FBXO36: variants seen among roughly 807,000 people sequenced by gnomAD.
FBXO36 encodes the protein F-box protein 36.
A neutral mutation model predicts 17.0 loss-of-function variants in FBXO36; 18 were observed. The observed-to-expected ratio is 1.06, with a 90% confidence interval of 0.73 to 1.57. The LOEUF (loss-of-function observed/expected upper bound fraction) is 1.57. Among genes scored for constraint, FBXO36 ranks in the 40% most tolerant of loss-of-function variants. The pLI is 0.00. For missense variants in FBXO36, 229 were observed against 221.9 expected, an observed-to-expected ratio of 1.03 and a Z score of -0.20; for synonymous variants, 83 against 85.3, an observed-to-expected ratio of 0.97 and a Z score of 0.15.
intron 1 of FBXO36, among the ~76,000 whole-genome samples, chr2:229,943,643 C>T (rs186621195): frequency 3.3e-5 from 5 of 152,190 alleles, no homozygotes; most frequent in Non-Finnish European, 7.4e-5. Flanking sequence ...AGCCCTGGCC[C>T]GTGGGCAACC....
Position 229,996,736 on chromosome 2 carries a change from T to C in FBXO36, c.206-15T>C, listed in dbSNP as rs570572146. ...GACTGTATATGATAACCATGTTGGC[T>C]TCTTTGAATTACAGGTCAAACTGCC... is the stretch of plus-strand genomic sequence containing the variant. On this transcript the variant is annotated splice_polypyrimidine_tract_variant and intron_variant, in intron 2 of 3. Coordinates refer to ENST00000283946, the MANE Select transcript of FBXO36 (RefSeq NM_174899.5). 2.5e-6 allele frequency: 4 copies of C among 1,599,620 alleles called. No homozygotes were observed. In the African/African-American group the frequency reaches 5.4e-5, roughly 21 times the overall value.
chr2:229,982,599 G>T (rs1212926528), intron 2 of FBXO36, among the ~76,000 whole-genome samples: 1 of 151,872 alleles, frequency 6.6e-6, no homozygotes, highest in Non-Finnish European at 1.5e-5. Context: ...TTGAGGTTAG[G>T]AGTTTGAGAC....
intron 2 of FBXO36, among the ~76,000 whole-genome samples, chr2:229,993,999 C>T (rs1273296604): frequency 6.6e-6 from 1 of 151,984 alleles, no homozygotes; most frequent in Non-Finnish European, 1.5e-5. Context: ...GTCTCGATCT[C>T]CTGACCTCGT....
chr2:229,927,290 T>A (rs2076918440), intron 1 of FBXO36, among the ~76,000 whole-genome samples: 1 of 152,228 alleles, frequency 6.6e-6, no homozygotes, highest in African/African-American at 2.4e-5. Context: ...CTTTTATATG[T>A]TGTATTTTTT....
intron 1 of FBXO36, 24 bp from the exon 2 acceptor site, chr2:229,976,217 A>C (rs1285030354): frequency 6.5e-7 from 1 of 1,541,478 alleles, no homozygotes; most frequent in Admixed American, 2.0e-5. Context: ...ATTTTAATTC[A>C]TATCACTTTG....
At chr2:229,958,504 T>C (rs933135138) in intron 1 of FBXO36, among the ~76,000 whole-genome samples, 5 of 151,702 alleles carry the variant, frequency 3.3e-5, no homozygotes, top group African/African-American at 7.3e-5. Context: ...CTCCTGACCT[T>C]GTGATCTGCC....
intron 1 of FBXO36, among the ~76,000 whole-genome samples, chr2:229,929,812 T>TG: frequency 6.6e-6 from 1 of 152,206 alleles, no homozygotes; most frequent in East Asian, 1.9e-4. Flanking sequence ...TGAGCAGAGA[T>TG]CACGCCACTG....
At chr2:229,926,292 A>G (rs900088609) in intron 1 of FBXO36, among the ~76,000 whole-genome samples, 248 of 151,960 alleles carry the variant, frequency 1.6e-3, no homozygotes, top group African/African-American at 5.6e-3. Flanking sequence ...TTAGCTGGGC[A>G]TGGTGATGCA....
intron 1 of FBXO36, among the ~76,000 whole-genome samples, chr2:229,940,872 T>C (rs1220607249): frequency 6.6e-6 from 1 of 152,204 alleles, no homozygotes; most frequent in Admixed American, 6.5e-5. Flanking sequence ...ACCCCATTTG[T>C]GGTCCTTTGT....
intron 3 of FBXO36, among the ~76,000 whole-genome samples, chr2:230,002,893 C>T (rs1407569068): frequency 6.6e-6 from 1 of 152,022 alleles, no homozygotes; most frequent in Non-Finnish European, 1.5e-5. Flanking sequence ...GACCGTCTTT[C>T]AGTGGATGTT....
chr2:229,959,970 C>A (rs2077112080), intron 1 of FBXO36, among the ~76,000 whole-genome samples: 1 of 152,084 alleles, frequency 6.6e-6, no homozygotes, highest in South Asian at 2.1e-4. Flanking sequence ...AATCAGTCAA[C>A]TCTAAAGTTC....
At chr2:229,937,426 C>G (rs1320520867) in intron 1 of FBXO36, among the ~76,000 whole-genome samples, 1 of 151,992 alleles carries the variant, frequency 6.6e-6, no homozygotes, top group Non-Finnish European at 1.5e-5. Flanking sequence ...ACCCAGGAGG[C>G]GGAGGTTGCA....
intron 1 of FBXO36, among the ~76,000 whole-genome samples, chr2:229,929,829 A>G (rs1268544649): frequency 6.6e-6 from 1 of 152,212 alleles, no homozygotes; most frequent in East Asian, 1.9e-4. Context: ...ACTGCCCTCC[A>G]GCTTGTGCAA....
At chr2:229,944,320 T>TAGAC (rs1428762068) in intron 1 of FBXO36, among the ~76,000 whole-genome samples, 1 of 152,212 alleles carries the variant, frequency 6.6e-6, no homozygotes, top group Non-Finnish European at 1.5e-5. Flanking sequence ...GAGATTTGTG[T>TAGAC]AGACAGCCTA....
chr2:229,970,199 G>T (rs539012902), intron 1 of FBXO36, among the ~76,000 whole-genome samples: 3 of 152,038 alleles, frequency 2.0e-5, no homozygotes, highest in African/African-American at 7.2e-5. Context: ...ATATTCATAC[G>T]AAAACCTACA....
intron 2 of FBXO36, among the ~76,000 whole-genome samples, chr2:229,978,453 G>T (rs1039167772): frequency 6.6e-6 from 1 of 151,978 alleles, no homozygotes; most frequent in Non-Finnish European, 1.5e-5. Flanking sequence ...GCATGATGGT[G>T]GTGGGTGCCC....
At chr2:230,006,805 A>G (rs531250169) in intron 3 of FBXO36, among the ~76,000 whole-genome samples, 34 of 152,096 alleles carry the variant, frequency 2.2e-4, no homozygotes, top group Admixed American at 6.5e-4. Flanking sequence ...GCCAGACCTG[A>G]CGCCGTAGTA....
At chr2:229,929,034 G>T (rs1380250781) in intron 1 of FBXO36, among the ~76,000 whole-genome samples, 3 of 151,112 alleles carry the variant, frequency 2.0e-5, no homozygotes, top group African/African-American at 7.3e-5. Flanking sequence ...GAGTGCAGTG[G>T]CATGATCTTG....
At chr2:229,951,202 G>A (rs1194067088) in intron 1 of FBXO36, among the ~76,000 whole-genome samples, 1 of 152,054 alleles carries the variant, frequency 6.6e-6, no homozygotes, top group African/African-American at 2.4e-5. Context: ...CAAAGTGCTA[G>A]GATTACAGGC....
Sources: allele counts gnomAD v4.1 joint callset (sites outside exome capture counted in the v4.1 genomes callset), GRCh38; gene constraint gnomAD v4.1.1; transcripts MANE v1.5; gene names NCBI Gene and HGNC (gene_info 2026-07-23, HGNC 2026-07-21).